Variants in RPSA2 observed in about 807,000 individuals in gnomAD.
RPSA2 encodes the protein small ribosomal subunit protein uS2B.
chr19:23,828,936 GACACAC>G, the RPSA2 span, among the ~76,000 whole-genome samples: 132 of 148,366 alleles, frequency 8.9e-4, no homozygotes, highest in African/African-American at 1.4e-3. Context: ...CCTAATGTGA[GACACAC>G]ACACACACAC....
At chr19:23,870,650 C>T in the RPSA2 span, among the ~76,000 whole-genome samples, 1 of 152,224 alleles carries the variant, frequency 6.6e-6, no homozygotes, top group South Asian at 2.1e-4. Flanking sequence ...ACCACATTAA[C>T]ATCTCATATA....
At chr19:23,780,461 G>A in the RPSA2 span, among the ~76,000 whole-genome samples, 33 of 152,050 alleles carry the variant, frequency 2.2e-4, 1 homozygote, top group Admixed American at 6.6e-4. Context: ...GGCTAACGTG[G>A]TGAAACCCCA....
the RPSA2 span, among the ~76,000 whole-genome samples, chr19:23,784,423 C>G: frequency 6.6e-6 from 1 of 152,226 alleles, no homozygotes; most frequent in East Asian, 1.9e-4. Flanking sequence ...ATGTGAACAT[C>G]TGGCCGCAGT....
At chr19:23,826,560 C>T in the RPSA2 span, among the ~76,000 whole-genome samples, 5 of 152,032 alleles carry the variant, frequency 3.3e-5, no homozygotes, top group African/African-American at 1.2e-4. Context: ...AGTATAACTA[C>T]TTCATGTATG....
the RPSA2 span, among the ~76,000 whole-genome samples, chr19:23,830,818 A>G: frequency 6.6e-6 from 1 of 151,876 alleles, no homozygotes; most frequent in Non-Finnish European, 1.5e-5. Context: ...TGCTGGGATC[A>G]TATTGCCCTA....
the RPSA2 span, among the ~76,000 whole-genome samples, chr19:23,822,361 C>T: frequency 4.6e-5 from 7 of 152,178 alleles, no homozygotes; most frequent in Non-Finnish European, 8.8e-5. Flanking sequence ...CAGAGAGCTG[C>T]CTGGGCTATC....
chr19:23,833,085 C>A, the RPSA2 span: 1 of 1,292,896 alleles, frequency 7.7e-7, no homozygotes, highest in Non-Finnish European at 1.0e-6. Context: ...AATCTTTTAA[C>A]CTGTCTTCAA....
chr19:23,834,281 GAAT>G, the RPSA2 span, among the ~76,000 whole-genome samples: 1 of 150,654 alleles, frequency 6.6e-6, no homozygotes, highest in Non-Finnish European at 1.5e-5. Flanking sequence ...TTTTCGAAGT[GAAT>G]AATAATGAAG....
At chr19:23,857,570 A>C in the RPSA2 span, among the ~76,000 whole-genome samples, 2 of 143,940 alleles carry the variant, frequency 1.4e-5, no homozygotes, top group Non-Finnish European at 3.0e-5. Context: ...GGCTCACTGC[A>C]ACCTCCACCT....
the RPSA2 span, among the ~76,000 whole-genome samples, chr19:23,830,298 C>G: frequency 6.6e-6 from 1 of 152,154 alleles, no homozygotes; most frequent in Non-Finnish European, 1.5e-5. Flanking sequence ...GCATGTGCCA[C>G]CACACCCAGC....
At chr19:23,765,817 C>T in the RPSA2 span, among the ~76,000 whole-genome samples, 8 of 152,062 alleles carry the variant, frequency 5.3e-5, no homozygotes, top group East Asian at 1.9e-4. Flanking sequence ...TCCCTGATAG[C>T]GTTTTGATTT....
chr19:23,813,952 A>C, the RPSA2 span, among the ~76,000 whole-genome samples: 2 of 151,916 alleles, frequency 1.3e-5, no homozygotes, highest in Admixed American at 1.3e-4. Context: ...GGAACTCCTG[A>C]CCTTGTGATC....
the RPSA2 span, among the ~76,000 whole-genome samples, chr19:23,805,790 T>C: frequency 6.6e-6 from 1 of 152,170 alleles, no homozygotes; most frequent in African/African-American, 2.4e-5. Context: ...GTGTTTTTTC[T>C]CCCTAATGAG....
chr19:23,826,424 C>T, the RPSA2 span, among the ~76,000 whole-genome samples: 63 of 151,892 alleles, frequency 4.1e-4, no homozygotes, highest in Non-Finnish European at 6.5e-4. Flanking sequence ...AACTCCTGAC[C>T]TTAGGTAATC....
the RPSA2 span, among the ~76,000 whole-genome samples, chr19:23,862,949 G>T: frequency 6.7e-6 from 1 of 149,412 alleles, no homozygotes; most frequent in African/African-American, 2.5e-5. Flanking sequence ...CTGTTGTCAG[G>T]CTGGAGTGCA....
chr19:23,832,828 T>A, the RPSA2 span: 4 of 1,578,376 alleles, frequency 2.5e-6, no homozygotes, highest in Non-Finnish European at 1.7e-6. Context: ...TGGCAAAGCT[T>A]TCAGCCAGTC....
chr19:23,858,526 T>C, the RPSA2 span, among the ~76,000 whole-genome samples: 1 of 152,192 alleles, frequency 6.6e-6, no homozygotes, highest in East Asian at 1.9e-4. Flanking sequence ...TTTAGGCAGA[T>C]AGTGAGTGCA....
the RPSA2 span, among the ~76,000 whole-genome samples, chr19:23,868,868 C>A: frequency 7.0e-4 from 106 of 152,224 alleles, 1 homozygote; most frequent in South Asian, 0.02. Flanking sequence ...GGGCCATGAG[C>A]CAGCTGAGCC....
At chr19:23,844,723 T>C in the RPSA2 span, among the ~76,000 whole-genome samples, 9 of 151,494 alleles carry the variant, frequency 5.9e-5, no homozygotes, top group Non-Finnish European at 1.3e-4. Flanking sequence ...AATAATATAA[T>C]AACAATTTTC....
Sources: gnomAD v4.1 joint callset for allele counts (sites outside exome capture counted in the v4.1 genomes callset) on GRCh38, gnomAD v4.1.1 for gene constraint, MANE v1.5 for transcripts, NCBI Gene and HGNC (gene_info 2026-07-23, HGNC 2026-07-21) for gene names.